The following MVB12B variants were observed in gnomAD, a reference collection of about 807,000 sequenced individuals.
MVB12B encodes ESCRT-I complex subunit MVB12B.
A neutral mutation model predicts 41.6 loss-of-function variants in MVB12B; 16 were observed. The observed-to-expected ratio is 0.38, with a 90% CI of 0.26 to 0.58. The LOEUF is 0.58. MVB12B is among the 20% of genes least tolerant of loss of function. The probability of loss-of-function intolerance (pLI) is 0.62; values close to 1 mark genes in which losing one functional copy is unlikely to be tolerated. For missense variants in MVB12B, 274 were observed against 380.2 expected (o/e 0.72, Z 2.32); for synonymous variants, 133 against 139.7 (o/e 0.95, Z 0.34).
At position 126,486,680 on chromosome 9, in the gene MVB12B, T is replaced by C. The variant is rs1289286544; in HGVS notation, c.873+2648T>C. The stretch of plus-strand genomic sequence containing the variant: ...TCAGCCTGGGGCCTGAGGCTTTCCA[T>C]ACGTGATCACTGGTTCCTACCCCAG... On this transcript the variant is annotated intron_variant, in intron 9 of 9. Coordinates refer to ENST00000361171, the MANE Select transcript of MVB12B (RefSeq NM_033446.3). This position sits in a 1 kb window ranked among gnomAD's most constrained non-coding sequence, Gnocchi z 4.7. 6.6e-6 allele frequency among the ~76,000 whole-genome samples: 1 copy of C among 152,200 alleles called. No individual in the cohort carries two copies. Among genetic ancestry groups the C allele is most frequent in the Non-Finnish European group, 1.5e-5 (1 of 68,030 alleles).
intron 7 of MVB12B, among the ~76,000 whole-genome samples, chr9:126,428,159 T>G (rs1751725955): frequency 6.6e-6 from 1 of 152,156 alleles, no homozygotes; most frequent in Non-Finnish European, 1.5e-5. Context: ...TATCTGTAAC[T>G]CAGAACCGTG....
intron 2 of MVB12B, among the ~76,000 whole-genome samples, chr9:126,351,785 G>T (rs967341736): frequency 6.6e-6 from 1 of 152,122 alleles, no homozygotes; most frequent in African/African-American, 2.4e-5. Flanking sequence ...ACCGTGCCTG[G>T]CCCCAGTCTT....
intron 6 of MVB12B, among the ~76,000 whole-genome samples, chr9:126,419,249 T>C (rs1183639993): frequency 6.6e-6 from 1 of 152,168 alleles, no homozygotes; most frequent in African/African-American, 2.4e-5. Flanking sequence ...CTGGCAGCCA[T>C]GAAGCAAAAT....
chr9:126,378,405 A>G lies in MVB12B; in HGVS notation c.205-2659A>G, dbSNP rs1483003801. ...ACCTCTGGGTACATCTTGTTGCTGT[A>G]GGAAAGACAGGCCAGAAATGCCCCC... On this transcript the variant is annotated intron_variant, in intron 2 of 9. Coordinates refer to ENST00000361171, the MANE Select transcript of MVB12B (RefSeq NM_033446.3). Among the ~76,000 whole-genome samples the G allele has an allele frequency of 3.3e-5, 5 of 152,292 alleles. No homozygotes were observed. In the East Asian group the frequency reaches 9.7e-4, roughly 29 times the overall value.
At chr9:126,437,871 A>C (rs1347488382) in intron 7 of MVB12B, among the ~76,000 whole-genome samples, 1 of 152,174 alleles carries the variant, frequency 6.6e-6, no homozygotes, top group Non-Finnish European at 1.5e-5. Flanking sequence ...GTTTGGAGTA[A>C]AATTAAATTT....
At chr9:126,327,265 G>T in intron 1 of MVB12B, 1 of 984,600 alleles carries the variant, frequency 1.0e-6, no homozygotes, top group Non-Finnish European at 1.2e-6. Flanking sequence ...TGGGGGACCC[G>T]AGTGCCAGCA....
intron 7 of MVB12B, among the ~76,000 whole-genome samples, chr9:126,455,544 G>A (rs1053562875): frequency 6.6e-6 from 1 of 152,108 alleles, no homozygotes; most frequent in Non-Finnish European, 1.5e-5. Context: ...GAGTGCAGTG[G>A]CAAGATCATC....
chr9:126,364,617 C>T (rs920899840), intron 2 of MVB12B, among the ~76,000 whole-genome samples: 5 of 152,204 alleles, frequency 3.3e-5, no homozygotes, highest in African/African-American at 1.2e-4. Context: ...AAAGATGTTG[C>T]CACTTTACCT....
At chr9:126,358,338 C>CG (rs1171755537) in intron 2 of MVB12B, among the ~76,000 whole-genome samples, 1 of 133,834 alleles carries the variant, frequency 7.5e-6, no homozygotes, top group East Asian at 2.1e-4. Context: ...TCAATTTTTA[C>CG]AAAAAAAAAA....
Position 126,395,546 on chromosome 9 carries a change from G to C in MVB12B, c.540-29G>C. 1 of 1,613,754 alleles carries C rather than the reference G, an allele frequency of 6.2e-7. No individual in the cohort carries two copies. Among genetic ancestry groups the C allele is most frequent in the Admixed American group, 1.7e-5 (1 of 60,002 alleles). On this transcript the variant is annotated intron_variant, in intron 5 of 9. Coordinates refer to ENST00000361171, the MANE Select transcript of MVB12B (RefSeq NM_033446.3). This position sits in a 1 kb window ranked among gnomAD's most constrained non-coding sequence, Gnocchi z 4.9. ...AGGTAAATGCTTTGTGCTAACCAGA[G>C]CCATGAAGATTTCTCTTTTTTCCTA...
intron 7 of MVB12B, 58 bp downstream of exon 7, chr9:126,422,006 CT>C: frequency 8.7e-7 from 1 of 1,152,884 alleles, no homozygotes; most frequent in Non-Finnish European, 1.3e-6. Context: ...GCGCCACCTC[CT>C]TCCACACGTT....
At chr9:126,462,792 C>G (rs1478887905) in intron 7 of MVB12B, among the ~76,000 whole-genome samples, 2 of 152,162 alleles carry the variant, frequency 1.3e-5, no homozygotes, top group Non-Finnish European at 2.9e-5. Context: ...CAGGAGATGC[C>G]CCTGACAGGT....
intron 7 of MVB12B, among the ~76,000 whole-genome samples, chr9:126,444,395 T>A (rs2119145795): frequency 6.6e-6 from 1 of 152,314 alleles, no homozygotes; most frequent in African/African-American, 2.4e-5. Flanking sequence ...TTTTAATTTT[T>A]ATCAATTGGA....
chr9:126,347,123 A>G (rs1188763916), intron 2 of MVB12B, among the ~76,000 whole-genome samples: 6 of 152,256 alleles, frequency 3.9e-5, no homozygotes, highest in African/African-American at 1.4e-4. Flanking sequence ...GGAACCAAAG[A>G]AAGGGAGGGG....
At chr9:126,440,816 G>T (rs752961698) in intron 7 of MVB12B, among the ~76,000 whole-genome samples, 1 of 152,166 alleles carries the variant, frequency 6.6e-6, no homozygotes, top group African/African-American at 2.4e-5. Context: ...TTCATAATTG[G>T]ACATTTCTTC....
At chr9:126,365,029 G>A (rs1249648237) in intron 2 of MVB12B, among the ~76,000 whole-genome samples, 3 of 141,288 alleles carry the variant, frequency 2.1e-5, no homozygotes, top group African/African-American at 8.0e-5. Flanking sequence ...TGGGATTACA[G>A]GCGTGAGCCA....
At chr9:126,334,222 G>A (rs1272738036) in intron 1 of MVB12B, among the ~76,000 whole-genome samples, 1 of 152,204 alleles carries the variant, frequency 6.6e-6, no homozygotes, top group Non-Finnish European at 1.5e-5. Flanking sequence ...GACCGGGAAT[G>A]TAGGAGGATG....
chr9:126,367,086 A>T lies in MVB12B; in HGVS notation c.205-13978A>T, dbSNP rs2118912170. Among the ~76,000 whole-genome samples the T allele has an allele frequency of 6.6e-6, 1 of 151,184 alleles. No homozygotes were observed. Among genetic ancestry groups the T allele is most frequent in the Middle Eastern group, 3.4e-3 (1 of 294 alleles). On this transcript the variant is annotated intron_variant, in intron 2 of 9. Coordinates refer to ENST00000361171, the MANE Select transcript of MVB12B (RefSeq NM_033446.3). The surrounding 1 kb of genome is among the most constrained non-coding windows in gnomAD (Gnocchi z 4.3). ...CCATCAGGCATTTCTTCATCTTTTC[A>T]TCCTCCTCTTCTGTCTCTGCTACCA...
At chr9:126,413,854 A>G (rs866380409) in intron 6 of MVB12B, among the ~76,000 whole-genome samples, 36 of 36,932 alleles carry the variant, frequency 9.7e-4, no homozygotes, top group South Asian at 4.1e-3. Flanking sequence ...GTGTGTGTGT[A>G]TAAGGGTTGG....
Sources: allele counts gnomAD v4.1 joint callset (sites outside exome capture counted in the v4.1 genomes callset), GRCh38; gene constraint gnomAD v4.1.1; non-coding constraint Gnocchi (gnomAD v3.1); transcripts MANE v1.5; gene names NCBI Gene and HGNC (gene_info 2026-07-23, HGNC 2026-07-21).